GNB1: variants seen among roughly 807,000 people sequenced by gnomAD.
GNB1 encodes the protein guanine nucleotide-binding protein G(I)/G(S)/G(T) subunit beta-1.
GNB1 carries 2 observed loss-of-function variants against 42.9 expected under a neutral mutation model. That is an observed-to-expected ratio of 0.05 (90% CI 0.02 to 0.15). The LOEUF (loss-of-function observed/expected upper bound fraction) is 0.15. GNB1 is among the 10% of genes least tolerant of loss of function. GNB1 has a pLI of 1.00. For synonymous variants in GNB1, 183 were observed against 174.7 expected (o/e 1.05, Z -0.38); for missense variants, 193 against 462.2 (o/e 0.42, Z 5.34).
At position 1,787,263 on chromosome 1, in the gene GNB1, G is replaced by A. The variant is rs1185191559; in HGVS notation, c.*9+59C>T. ...GAAACCGTTAATGACAACTTCAAAT[G>A]TTCTATGAGAAACACGCACAGTTCT... On this transcript the variant is annotated intron_variant, in intron 11 of 11. Coordinates refer to ENST00000378609, the MANE Select transcript of GNB1 (RefSeq NM_002074.5). This position sits in a 1 kb window ranked among gnomAD's most constrained non-coding sequence, Gnocchi z 4.4. The A allele has an allele frequency of 2.4e-6, 2 of 847,564 alleles. No homozygotes were observed. Among genetic ancestry groups the A allele is most frequent in the African/African-American group, 3.4e-5 (2 of 59,252 alleles). The allele number at this position is 847,564 out of a possible 1,614,324, so 52.5% of individuals were successfully genotyped here.
chr1:1,803,794 C>CA (rs1028266692), intron 7 of GNB1, among the ~76,000 whole-genome samples: 1 of 151,286 alleles, frequency 6.6e-6, no homozygotes, highest in African/African-American at 2.4e-5. Flanking sequence ...CCAGCCTGGC[C>CA]AATACAGCAA....
chr1:1,799,473 G>A (rs1646595383), intron 7 of GNB1, among the ~76,000 whole-genome samples: 2 of 152,198 alleles, frequency 1.3e-5, no homozygotes, highest in Admixed American at 1.3e-4. Context: ...GTCATGGGAA[G>A]GGACTGCTGA....
chr1:1,791,906 A>C (rs1451695740), intron 8 of GNB1, among the ~76,000 whole-genome samples: 1 of 152,178 alleles, frequency 6.6e-6, no homozygotes, highest in African/African-American at 2.4e-5. Context: ...AAATCTATGA[A>C]ATTTATACAA....
intron 1 of GNB1, among the ~76,000 whole-genome samples, chr1:1,843,945 G>A (rs890162104): frequency 2.7e-5 from 4 of 150,702 alleles, no homozygotes; most frequent in South Asian, 2.1e-4. Flanking sequence ...CCTGTAATCC[G>A]AGCACTTTGG....
intron 3 of GNB1, among the ~76,000 whole-genome samples, chr1:1,820,801 G>A (rs1169755120): frequency 6.6e-6 from 1 of 152,160 alleles, no homozygotes; most frequent in East Asian, 1.9e-4. Flanking sequence ...AAAAACTACT[G>A]TAAAAACAAC....
At chr1:1,856,668 C>CG (rs1648322631) in intron 1 of GNB1, among the ~76,000 whole-genome samples, 1 of 152,108 alleles carries the variant, frequency 6.6e-6, no homozygotes, top group Non-Finnish European at 1.5e-5. Context: ...CCTTGTGATC[C>CG]GCCCGCCTTG....
chr1:1,840,711 A>G (rs375829576), intron 1 of GNB1, among the ~76,000 whole-genome samples: 1 of 152,170 alleles, frequency 6.6e-6, no homozygotes, highest in Admixed American at 6.6e-5. Context: ...GACACTTCCA[A>G]TCCCTCCCTC....
At chr1:1,824,266 T>C (rs1028616401) in intron 3 of GNB1, among the ~76,000 whole-genome samples, 4 of 152,162 alleles carry the variant, frequency 2.6e-5, no homozygotes, top group South Asian at 4.1e-4. Context: ...CTATAAAATA[T>C]TTACTAGAAG....
intron 7 of GNB1, among the ~76,000 whole-genome samples, chr1:1,799,086 A>G (rs944234882): frequency 2.0e-5 from 3 of 152,018 alleles, no homozygotes; most frequent in Non-Finnish European, 4.4e-5. Context: ...TCGCCCGGCT[A>G]ATTTTTTGTA....
chr1:1,836,782 C>T (rs898703223), intron 2 of GNB1, among the ~76,000 whole-genome samples: 8 of 151,968 alleles, frequency 5.3e-5, no homozygotes, highest in African/African-American at 1.5e-4. Flanking sequence ...AACTCCCAAC[C>T]TCAGGTGATC....
chr1:1,888,391 G>T (rs1022652302), intron 1 of GNB1, among the ~76,000 whole-genome samples: 1 of 151,774 alleles, frequency 6.6e-6, no homozygotes, highest in Admixed American at 6.6e-5. Flanking sequence ...AAGGCGGGCG[G>T]GGGGAGCACT....
intron 7 of GNB1, among the ~76,000 whole-genome samples, chr1:1,795,082 T>C (rs1646528920): frequency 6.6e-6 from 1 of 152,066 alleles, no homozygotes; most frequent in South Asian, 2.1e-4. Flanking sequence ...GTATGCGTGG[T>C]CAAATACTTC....
intron 2 of GNB1, among the ~76,000 whole-genome samples, chr1:1,834,982 A>G (rs1002774843): frequency 2.0e-5 from 3 of 152,120 alleles, no homozygotes; most frequent in Admixed American, 6.6e-5. Context: ...AGCACCTTTT[A>G]TAAGGGGCCT....
At chr1:1,810,522 T>G in intron 5 of GNB1, among the ~76,000 whole-genome samples, 1 of 110,356 alleles carries the variant, frequency 9.1e-6, no homozygotes, top group Non-Finnish European at 1.7e-5. Flanking sequence ...GACGACAGAG[T>G]GAGACCCAGT....
chr1:1,856,080 T>C (rs1398507773), intron 1 of GNB1, among the ~76,000 whole-genome samples: 1 of 152,270 alleles, frequency 6.6e-6, no homozygotes, highest in Non-Finnish European at 1.5e-5. Context: ...TAGAGTGCAG[T>C]GGCACCATCA....
At chr1:1,792,968 A>G (rs1439154545) in intron 8 of GNB1, among the ~76,000 whole-genome samples, 1 of 151,960 alleles carries the variant, frequency 6.6e-6, no homozygotes, top group Non-Finnish European at 1.5e-5. Context: ...CAGGAGGATG[A>G]GGCAGGAGAA....
intron 2 of GNB1, among the ~76,000 whole-genome samples, chr1:1,836,253 C>T (rs1213017484): frequency 6.6e-6 from 1 of 152,104 alleles, no homozygotes; most frequent in African/African-American, 2.4e-5. Context: ...GGGGCGTGGG[C>T]TGTAGTCTCC....
chr1:1,815,920 C>T, intron 4 of GNB1, 58 bp from the exon 5 acceptor site: 1 of 1,051,260 alleles, frequency 9.5e-7, no homozygotes, highest in Non-Finnish European at 1.5e-6. Flanking sequence ...TTCTCCTCAT[C>T]ACCCATCCTT....
chr1:1,811,488 A>G (rs1411510455), intron 5 of GNB1, among the ~76,000 whole-genome samples: 1 of 151,844 alleles, frequency 6.6e-6, no homozygotes, highest in African/African-American at 2.4e-5. Flanking sequence ...AGGTCATGAG[A>G]TCGAGACCAC....
Sources: gnomAD v4.1 joint callset for allele counts (sites outside exome capture counted in the v4.1 genomes callset) on GRCh38, gnomAD v4.1.1 for gene constraint, Gnocchi (gnomAD v3.1) non-coding constraint, MANE v1.5 for transcripts, NCBI Gene and HGNC (gene_info 2026-07-23, HGNC 2026-07-21) for gene names.